Variants in PTPRG observed in about 807,000 individuals in gnomAD.
The protein encoded by PTPRG is protein tyrosine phosphatase receptor type G.
Under a neutral mutation model 165.3 loss-of-function variants are expected in PTPRG, and 102 were observed. The ratio of observed to expected loss-of-function variants is 0.62; its 90% confidence interval spans 0.53 to 0.73. The LOEUF (loss-of-function observed/expected upper bound fraction) is 0.73, where lower values mean the gene tolerates loss of function less well. PTPRG is among the 30% of genes least tolerant of loss of function. The pLI is 0.00. For synonymous variants in PTPRG, 675 were observed against 669.5 expected (o/e 1.01, Z -0.13); for missense variants, 1,866 against 1,861.4 (o/e 1.00, Z -0.05).
intron 7 of PTPRG, among the ~76,000 whole-genome samples, chr3:62,162,980 G>T (rs1445565567): frequency 1.3e-5 from 2 of 152,206 alleles, no homozygotes; most frequent in Non-Finnish European, 2.9e-5. Flanking sequence ...GCATGATTGG[G>T]AAGGCCTCAG....
intron 8 of PTPRG, among the ~76,000 whole-genome samples, chr3:62,183,353 C>T (rs1222491493): frequency 6.6e-6 from 1 of 152,132 alleles, no homozygotes; most frequent in Non-Finnish European, 1.5e-5. Context: ...CACTTGAGGT[C>T]AGGAGTTCGA....
rs542306888 is a variant in PTPRG at position 62,069,684 on chromosome 3, T to TCTCTCTCTCACA, written c.520-8478_520-8477insTCTCTCTCACAC. Among the ~76,000 whole-genome samples the TCTCTCTCTCACA allele has an allele frequency of 9.7e-4, 140 of 144,952 alleles. 2 individuals are homozygous for TCTCTCTCTCACA. The highest frequency in any genetic ancestry group is 8.8e-3 in the Admixed American group (126 of 14,356). ...CTCTCTCTCTCTCTCTCTCTCTCTC[T>TCTCTCTCTCACA]CACACACAGACACACGCACACACAC... On this transcript the variant is annotated intron_variant, in intron 4 of 29. Coordinates refer to ENST00000474889, the MANE Select transcript of PTPRG (RefSeq NM_002841.4).
At chr3:61,784,395 A>G (rs1487323966) in intron 2 of PTPRG, among the ~76,000 whole-genome samples, 1 of 152,152 alleles carries the variant, frequency 6.6e-6, no homozygotes, top group African/African-American at 2.4e-5. Flanking sequence ...ATAATATGTA[A>G]ATATTTTTGA....
intron 1 of PTPRG, among the ~76,000 whole-genome samples, chr3:61,576,459 C>T (rs1296674563): frequency 6.6e-6 from 1 of 152,154 alleles, no homozygotes; most frequent in African/African-American, 2.4e-5. Flanking sequence ...TGTTATTTTG[C>T]AGTTTTTCTA....
intron 6 of PTPRG, among the ~76,000 whole-genome samples, chr3:62,154,604 T>C (rs1473366765): frequency 2.0e-5 from 3 of 152,200 alleles, no homozygotes; most frequent in Admixed American, 1.3e-4. Flanking sequence ...TATCTTTTGA[T>C]GCTCTTTAAA....
At chr3:61,965,672 T>A (rs1340496185) in intron 2 of PTPRG, among the ~76,000 whole-genome samples, 1 of 152,216 alleles carries the variant, frequency 6.6e-6, no homozygotes, top group African/African-American at 2.4e-5. Flanking sequence ...TGTTTAGCAT[T>A]GGGCAATAAT....
At position 61,656,233 on chromosome 3, in the gene PTPRG, T is replaced by TA. The variant is rs769049528; in HGVS notation, c.86-92638dup. ...GGCAACAGAGCCTGACCCTGTCTCT[T>TA]AAAAAAATAAATAAATAAGAAAAAC... On this transcript the variant is annotated intron_variant, in intron 1 of 29. Coordinates refer to ENST00000474889, the MANE Select transcript of PTPRG (RefSeq NM_002841.4). Among the ~76,000 whole-genome samples, 12 of 152,114 alleles carry TA rather than the reference T, an allele frequency of 7.9e-5. No homozygotes were observed. The East Asian group carries it at 2.1e-3, about 27-fold the overall frequency.
At chr3:61,865,577 A>C (rs558824540) in intron 2 of PTPRG, among the ~76,000 whole-genome samples, 5 of 152,274 alleles carry the variant, frequency 3.3e-5, no homozygotes, top group Non-Finnish European at 1.5e-5. Flanking sequence ...CTTCATATGG[A>C]TGGCCCGATA....
intron 4 of PTPRG, among the ~76,000 whole-genome samples, chr3:62,024,820 G>A (rs2041770462): frequency 6.6e-6 from 1 of 152,158 alleles, no homozygotes; most frequent in African/African-American, 2.4e-5. Context: ...ACTTCATAGT[G>A]CTTGGGTTTA....
intron 8 of PTPRG, among the ~76,000 whole-genome samples, chr3:62,189,862 A>G (rs1406565148): frequency 1.3e-5 from 2 of 152,118 alleles, no homozygotes; most frequent in African/African-American, 4.8e-5. Context: ...AAGGCTTCTC[A>G]CTGCAGCTAC....
intron 2 of PTPRG, among the ~76,000 whole-genome samples, chr3:61,946,890 T>C (rs1228449374): frequency 6.6e-6 from 1 of 152,172 alleles, no homozygotes; most frequent in Non-Finnish European, 1.5e-5. Flanking sequence ...TTATTGAAAA[T>C]CAGTGAAAAC....
intron 5 of PTPRG, among the ~76,000 whole-genome samples, chr3:62,130,887 A>G (rs1190466856): frequency 6.6e-6 from 1 of 150,926 alleles, no homozygotes; most frequent in East Asian, 1.9e-4. Flanking sequence ...ACTTATGCCA[A>G]CTCCCAGAAT....
At chr3:62,283,757 A>G (rs1386015443) in intron 28 of PTPRG, among the ~76,000 whole-genome samples, 1 of 152,088 alleles carries the variant, frequency 6.6e-6, no homozygotes, top group Admixed American at 6.6e-5. Flanking sequence ...ATGCTGTATC[A>G]TGATGTACAC....
Position 62,294,311 on chromosome 3 carries a change from CCTT to C in PTPRG, c.*1008_*1010del, listed in dbSNP as rs1702994896. On this transcript the variant is annotated 3_prime_UTR_variant, in exon 30 of 30. Coordinates refer to ENST00000474889, the MANE Select transcript of PTPRG (RefSeq NM_002841.4). ...TACCTACATAGTTACTGTTTTCTTT[CCTT>C]CTTTGCCAAATGTTTTATAATAAAT... The C allele has an allele frequency of 6.6e-6, 1 of 152,056 alleles. No individual in the cohort carries two copies. Among genetic ancestry groups the C allele is most frequent in the Admixed American group, 6.6e-5 (1 of 15,246 alleles). The allele number at this position is 152,056 out of a possible 1,614,324, so 9.4% of individuals were successfully genotyped here.
chr3:61,589,154 C>G (rs903198718), intron 1 of PTPRG, among the ~76,000 whole-genome samples: 1 of 152,050 alleles, frequency 6.6e-6, no homozygotes, highest in Non-Finnish European at 1.5e-5. Flanking sequence ...AATTTCAGGT[C>G]CATAAGTAAA....
intron 2 of PTPRG, among the ~76,000 whole-genome samples, chr3:61,935,824 C>T (rs1337103735): frequency 6.6e-6 from 1 of 151,700 alleles, no homozygotes; most frequent in African/African-American, 2.4e-5. Flanking sequence ...TCCTGTCTGT[C>T]CTGGGCATTG....
At chr3:61,684,202 C>T (rs1703545990) in intron 1 of PTPRG, among the ~76,000 whole-genome samples, 1 of 152,146 alleles carries the variant, frequency 6.6e-6, no homozygotes, top group South Asian at 2.1e-4. Flanking sequence ...CACAACTTGT[C>T]CTGTTTCCCC....
intron 2 of PTPRG, among the ~76,000 whole-genome samples, chr3:61,897,804 C>T (rs968808627): frequency 1.3e-5 from 2 of 152,146 alleles, no homozygotes; most frequent in African/African-American, 4.8e-5. Context: ...TGTATACCTA[C>T]ATATTTTCTC....
chr3:61,673,498 G>A (rs147155524), intron 1 of PTPRG, among the ~76,000 whole-genome samples: 2 of 152,258 alleles, frequency 1.3e-5, no homozygotes, highest in Non-Finnish European at 2.9e-5. Flanking sequence ...ATTATTGAGA[G>A]CCAGTTTGGC....
Sources: gnomAD v4.1 joint callset for allele counts (sites outside exome capture counted in the v4.1 genomes callset) on GRCh38, gnomAD v4.1.1 for gene constraint, MANE v1.5 for transcripts, NCBI Gene and HGNC (gene_info 2026-07-23, HGNC 2026-07-21) for gene names.